CCL26: variants seen among roughly 807,000 people sequenced by gnomAD.
The protein encoded by CCL26 is C-C motif chemokine ligand 26.
Under a neutral mutation model 10.7 loss-of-function variants are expected in CCL26, and 10 were observed. That is an observed-to-expected ratio of 0.93 (90% CI 0.57 to 1.58). CCL26 has a LOEUF of 1.58. Ranked by LOEUF, CCL26 falls within the 40% of genes most tolerant of loss-of-function variation. The pLI is 0.00. For missense variants in CCL26, 116 were observed against 111.0 expected (o/e 1.05, Z -0.20); for synonymous variants, 43 against 41.4 (o/e 1.04, Z -0.15).
chr7:75,788,104 C>T (rs1408971484), intron 1 of CCL26, among the ~76,000 whole-genome samples: 1 of 151,960 alleles, frequency 6.6e-6, no homozygotes, highest in African/African-American at 2.4e-5. Flanking sequence ...AAATTTTCGC[C>T]GCCCCAATAC....
At chr7:75,778,404 TGTGG>T (rs1563337501) in intron 1 of CCL26, among the ~76,000 whole-genome samples, 2 of 103,496 alleles carry the variant, frequency 1.9e-5, no homozygotes, top group Admixed American at 1.2e-4. Flanking sequence ...GTATTTTTGG[TGTGG>T]TTTTTTTTTT....
At chr7:75,784,858 G>T (rs1249162188) in intron 1 of CCL26, among the ~76,000 whole-genome samples, 2 of 151,872 alleles carry the variant, frequency 1.3e-5, no homozygotes, top group Admixed American at 6.6e-5. Context: ...GACCGATCAT[G>T]CACCCCTTAC....
At chr7:75,787,714 A>C (rs566894217) in intron 1 of CCL26, among the ~76,000 whole-genome samples, 1 of 151,742 alleles carries the variant, frequency 6.6e-6, no homozygotes, top group African/African-American at 2.4e-5. Context: ...TTAAAAAAAA[A>C]AATAAAAGGA....
chr7:75,773,909 A>G (rs1459870098), upstream of CCL26, among the ~76,000 whole-genome samples: 2 of 152,024 alleles, frequency 1.3e-5, no homozygotes, highest in African/African-American at 4.8e-5. Flanking sequence ...TGTAGAGCCC[A>G]AAGGTTGCCA....
chr7:75,786,231 T>C (rs969838010), intron 1 of CCL26, among the ~76,000 whole-genome samples: 1 of 152,182 alleles, frequency 6.6e-6, no homozygotes, highest in African/African-American at 2.4e-5. Context: ...ATTCACCCCA[T>C]TTCCGCATAT....
intron 1 of CCL26, among the ~76,000 whole-genome samples, chr7:75,783,905 C>T (rs782151056): frequency 4.4e-4 from 67 of 152,078 alleles, no homozygotes; most frequent in South Asian, 2.1e-4. Context: ...GTCAGAAGTC[C>T]GTCTTATTCT....
At chr7:75,790,178 C>CCTTT (rs782115911), upstream of CCL26, among the ~76,000 whole-genome samples, 166 of 44,344 alleles carry the variant, frequency 3.7e-3, 4 homozygotes, top group Non-Finnish European at 5.3e-3. Context: ...TTCCTTCCTT[C>CCTTT]CTTTCTTTCT....
chr7:75,786,642 G>A (rs1186606176), intron 1 of CCL26, among the ~76,000 whole-genome samples: 1 of 152,076 alleles, frequency 6.6e-6, no homozygotes, highest in African/African-American at 2.4e-5. Flanking sequence ...CGTAGCTCAG[G>A]GCAACGCTTA....
intron 2 of CCL26, among the ~76,000 whole-genome samples, chr7:75,770,098 C>G (rs1291743689): frequency 2.7e-5 from 4 of 149,542 alleles, no homozygotes; most frequent in Admixed American, 2.0e-4. Flanking sequence ...GAGACGAACT[C>G]TCACTCTGTT....
intron 1 of CCL26, among the ~76,000 whole-genome samples, chr7:75,780,810 G>C (rs372660767): frequency 6.6e-6 from 1 of 151,890 alleles, no homozygotes; most frequent in African/African-American, 2.4e-5. Flanking sequence ...TTGCCAGGCC[G>C]AGCCAGGTCC....
At chr7:75,778,215 C>T (rs1554528991) in intron 1 of CCL26, among the ~76,000 whole-genome samples, 1 of 151,926 alleles carries the variant, frequency 6.6e-6, no homozygotes, top group Non-Finnish European at 1.5e-5. Flanking sequence ...TATCATTTGT[C>T]CTTTTTAAAT....
At chr7:75,783,026 G>C (rs1803100185) in intron 1 of CCL26, among the ~76,000 whole-genome samples, 1 of 151,924 alleles carries the variant, frequency 6.6e-6, no homozygotes, top group Non-Finnish European at 1.5e-5. Context: ...CTCACACCCG[G>C]TCTGGCTTAC....
At chr7:75,787,790 C>A (rs183333844) in intron 1 of CCL26, among the ~76,000 whole-genome samples, 260 of 151,860 alleles carry the variant, frequency 1.7e-3, no homozygotes, top group Non-Finnish European at 3.2e-3. Flanking sequence ...CCCCCTTGGA[C>A]ACTCTCTAAT....
chr7:75,776,068 C>CTTTT (rs534170968), upstream of CCL26, among the ~76,000 whole-genome samples: 5 of 99,644 alleles, frequency 5.0e-5, no homozygotes, highest in Non-Finnish European at 6.1e-5. Flanking sequence ...AGTTCACACT[C>CTTTT]TTTTTTTTTT....
At chr7:75,779,686 G>A (rs549984737) in intron 1 of CCL26, among the ~76,000 whole-genome samples, 114 of 152,348 alleles carry the variant, frequency 7.5e-4, no homozygotes, top group African/African-American at 2.4e-3. Context: ...GCGGGGACGC[G>A]TGCCTGATTA....
chr7:75,775,661 T>C (rs897426770), upstream of CCL26, among the ~76,000 whole-genome samples: 1 of 152,018 alleles, frequency 6.6e-6, no homozygotes, highest in Admixed American at 6.6e-5. Context: ...TGTGTTATGA[T>C]CAAACTGAGG....
chr7:75,790,002 C>T (rs1803288027), upstream of CCL26: 1 of 60,098 alleles, frequency 1.7e-5, no homozygotes. Flanking sequence ...ACGGTTCTCC[C>T]TCCCTCCCTC....
Position 75,771,952 on chromosome 7 carries a change from AG to A in CCL26, c.124del (p.Leu42PhefsTer21). On this transcript the variant is annotated frameshift_variant, in exon 2 of 3. Transcript: ENST00000005180. LOFTEE classifies it high-confidence loss of function. ...ATAGCTTCGCACCCAGGTCCAGGGA[AG>A]GGGCTTGTGGCTGTATTGGAAGCAG... ...TCCFQYSHKP[L>X]PWTWVRSYEF... 1 of 1,614,130 alleles carries A rather than the reference AG, an allele frequency of 6.2e-7. No individual in the cohort carries two copies. The highest frequency in any genetic ancestry group is 2.2e-5 in the East Asian group (1 of 44,884).
chr7:75,772,852 G>A (rs980111335), upstream of CCL26, among the ~76,000 whole-genome samples: 3 of 152,198 alleles, frequency 2.0e-5, no homozygotes, highest in African/African-American at 7.2e-5. Flanking sequence ...AGAAAAAGCA[G>A]AGGAAATTAA....
Sources: allele counts gnomAD v4.1 joint callset (sites outside exome capture counted in the v4.1 genomes callset), GRCh38; gene constraint gnomAD v4.1.1; transcripts MANE v1.5; gene names NCBI Gene and HGNC (gene_info 2026-07-23, HGNC 2026-07-21).